MINDY2: variants seen among roughly 807,000 people sequenced by gnomAD.
MINDY2 encodes MINDY lysine 48 deubiquitinase 2, also known as ubiquitin carboxyl-terminal hydrolase MINDY-2.
A neutral mutation model predicts 68.2 loss-of-function variants in MINDY2; 52 were observed. The ratio of observed to expected loss-of-function variants is 0.76; its 90% CI spans 0.61 to 0.96. MINDY2 has a LOEUF of 0.96. MINDY2 is among the 40% of genes least tolerant of loss of function. The probability of loss-of-function intolerance (pLI) is 0.00; values close to 1 mark genes in which losing one functional copy is unlikely to be tolerated. For synonymous variants in MINDY2, 372 were observed against 303.0 expected, an observed-to-expected ratio of 1.23 and a Z score of -2.36; for missense variants, 881 against 773.4, an observed-to-expected ratio of 1.14 and a Z score of -1.65.
chr15:58,810,578 T>C (rs1165232234), intron 4 of MINDY2, among the ~76,000 whole-genome samples, 190 bp downstream of exon 4: 2 of 152,240 alleles, frequency 1.3e-5, no homozygotes, highest in East Asian at 3.9e-4. Context: ...ACCCCAACTC[T>C]AAGGAGCTAG....
chr15:58,789,166 T>A (rs1240321838), intron 2 of MINDY2, among the ~76,000 whole-genome samples: 1 of 152,074 alleles, frequency 6.6e-6, no homozygotes, highest in Non-Finnish European at 1.5e-5. Context: ...TGAAACTCCG[T>A]CTCGACTAAA....
At chr15:58,801,503 TA>T (rs1478479710) in intron 2 of MINDY2, among the ~76,000 whole-genome samples, 1 of 150,900 alleles carries the variant, frequency 6.6e-6, no homozygotes, top group Non-Finnish European at 1.5e-5. Context: ...TTAAAAGTAT[TA>T]AAATTGTGAT....
chr15:58,802,293 T>TTG lies in MINDY2; in HGVS notation c.899-19_899-18insGT, dbSNP rs765264920. 16 of 1,519,794 alleles carry TTG rather than the reference T, an allele frequency of 1.1e-5. No individual in the cohort carries two copies. The highest frequency in any genetic ancestry group is 2.5e-5 in the South Asian group (2 of 81,070). 94.1% of individuals were successfully genotyped at this position (1,519,794 alleles called of 1,614,324 possible). On this transcript the variant is annotated intron_variant, in intron 2 of 8. Coordinates refer to ENST00000559228, the MANE Select transcript of MINDY2 (RefSeq NM_001040450.3). The stretch of plus-strand genomic sequence containing the variant: ...AAGTTTTTAAAAGGCAATTTTACAA[T>TTG]TCTTTTTTTTTTTTTACAGGAGATT...
chr15:58,837,968 CAAAAAAAAA>C (rs34909401), intron 6 of MINDY2, among the ~76,000 whole-genome samples: 24 of 75,126 alleles, frequency 3.2e-4, no homozygotes, highest in African/African-American at 8.2e-4. Flanking sequence ...GACCTTCTTT[CAAAAAAAAA>C]AAAAAAAAAA....
intron 1 of MINDY2, among the ~76,000 whole-genome samples, chr15:58,772,950 A>T (rs1432114973): frequency 6.6e-6 from 1 of 152,194 alleles, no homozygotes; most frequent in Non-Finnish European, 1.5e-5. Context: ...AGGTATGTCT[A>T]AGGTGAAGGA....
At chr15:58,798,443 A>T (rs932118455) in intron 2 of MINDY2, among the ~76,000 whole-genome samples, 1 of 144,018 alleles carries the variant, frequency 6.9e-6, no homozygotes, top group Non-Finnish European at 1.5e-5. Context: ...GCCTTTTTTA[A>T]TGCAGTAAAA....
At chr15:58,831,017 G>T (rs933979309) in intron 5 of MINDY2, among the ~76,000 whole-genome samples, 1 of 121,544 alleles carries the variant, frequency 8.2e-6, no homozygotes, top group Non-Finnish European at 1.6e-5. Flanking sequence ...AAGATCAGTT[G>T]TGTGTGTGTG....
chr15:58,825,596 G>C (rs1482484319), intron 5 of MINDY2, among the ~76,000 whole-genome samples: 1 of 145,756 alleles, frequency 6.9e-6, no homozygotes, highest in Non-Finnish European at 1.6e-5. Context: ...TTTGTGTGGT[G>C]TTTGTTTGTT....
intron 2 of MINDY2, among the ~76,000 whole-genome samples, chr15:58,799,858 G>A (rs748741979): frequency 2.6e-5 from 4 of 152,154 alleles, no homozygotes; most frequent in Non-Finnish European, 5.9e-5. Context: ...AAGAGATGTA[G>A]GGAGAAGGCA....
intron 5 of MINDY2, among the ~76,000 whole-genome samples, chr15:58,829,231 A>G (rs917858328): frequency 7.9e-5 from 12 of 152,240 alleles, no homozygotes; most frequent in African/African-American, 2.7e-4. Context: ...CTTTTCCACT[A>G]AAACCACTGT....
Position 58,784,620 on chromosome 15 carries a change from C to CTT in MINDY2, c.841-3270_841-3269dup, listed in dbSNP as rs777455607. ...TTTCTTTCTTTTCTTTCTTTCTTTC[C>CTT]TTTTTTTTTTTTTTTTTGAGATCGG... On this transcript the variant is annotated intron_variant, in intron 1 of 8. Coordinates refer to ENST00000559228, the MANE Select transcript of MINDY2 (RefSeq NM_001040450.3). 1.3e-3 allele frequency among the ~76,000 whole-genome samples: 171 copies of CTT among 129,846 alleles called. 2 individuals are homozygous for CTT. The highest frequency in any genetic ancestry group is 3.2e-3 in the African/African-American group (108 of 34,124). The allele number at this position is 129,846 out of a possible 152,430, so 85.2% of individuals were successfully genotyped here.
rs535826388 is a variant in MINDY2, at chr15:58,797,933, GT to G, written c.899-4376del. On this transcript the variant is annotated intron_variant, in intron 2 of 8. Transcript: ENST00000559228. ...GCCATCACAAAATTGTAATGCCTCT[GT>G]TTTACAGAAGAGGAAACCAATGTTC... Among the ~76,000 whole-genome samples, 4 of 152,260 alleles carry G rather than the reference GT, an allele frequency of 2.6e-5. No homozygotes were observed. The East Asian group carries it at 7.7e-4, about 29-fold the overall frequency.
chr15:58,783,249 AC>A lies in MINDY2; in HGVS notation c.841-4656del, dbSNP rs200940138. Among the ~76,000 whole-genome samples the A allele has an allele frequency of 9.3e-4, 142 of 152,242 alleles. 1 individual carries two copies. The East Asian group carries it at 0.025, about 27-fold the overall frequency. On this transcript the variant is annotated intron_variant, in intron 1 of 8. Transcript: ENST00000559228. ...GACTTCTTTTTTCTAAAGAGCAGAG[AC>A]TGGCAAATACTCAATTTTATATTTT... is the stretch of plus-strand genomic sequence containing the variant.
At chr15:58,805,194 G>C (rs1902935477) in intron 3 of MINDY2, among the ~76,000 whole-genome samples, 1 of 152,104 alleles carries the variant, frequency 6.6e-6, no homozygotes, top group Non-Finnish European at 1.5e-5. Context: ...GAAACTATAA[G>C]GTGTTATTAT....
At chr15:58,792,944 A>G (rs1210251923) in intron 2 of MINDY2, among the ~76,000 whole-genome samples, 3 of 151,734 alleles carry the variant, frequency 2.0e-5, no homozygotes, top group East Asian at 2.0e-4. Flanking sequence ...TGAGACTGCA[A>G]TGAGCTATGA....
chr15:58,806,652 A>C (rs930072982), intron 3 of MINDY2, among the ~76,000 whole-genome samples: 2 of 152,202 alleles, frequency 1.3e-5, no homozygotes, highest in African/African-American at 4.8e-5. Flanking sequence ...GAGCCATTAG[A>C]AATCATATTG....
At position 58,851,932 on chromosome 15, in the gene MINDY2, A is replaced by AGCT. The variant is rs746926052; in HGVS notation, c.1720_1722dup (p.Ala574dup). ...ACTATCAGGAACAGGAACAAGCAGC[A>AGCT]GCTGCTGCTGCTGCTGCTTCTACAC... On this transcript the variant is annotated inframe_insertion, in exon 8 of 9. Coordinates refer to ENST00000559228, the MANE Select transcript of MINDY2 (RefSeq NM_001040450.3). The AGCT allele has an allele frequency of 7.4e-5, 118 of 1,590,608 alleles. No homozygotes were observed. The highest frequency in any genetic ancestry group is 1.1e-4 in the East Asian group (5 of 44,498).
At chr15:58,781,311 C>T (rs915219839) in intron 1 of MINDY2, among the ~76,000 whole-genome samples, 19 of 152,138 alleles carry the variant, frequency 1.2e-4, no homozygotes, top group Non-Finnish European at 2.6e-4. Context: ...CTTGGCCTCC[C>T]AAAGTGCTGG....
At chr15:58,809,596 C>A (rs2030078641) in intron 3 of MINDY2, among the ~76,000 whole-genome samples, 1 of 152,144 alleles carries the variant, frequency 6.6e-6, no homozygotes, top group African/African-American at 2.4e-5. Context: ...AGGCCTTCTT[C>A]CTCTTTGACT....
Sources: gnomAD v4.1 joint callset for allele counts (sites outside exome capture counted in the v4.1 genomes callset) on GRCh38, gnomAD v4.1.1 for gene constraint, MANE v1.5 for transcripts, NCBI Gene and HGNC (gene_info 2026-07-23, HGNC 2026-07-21) for gene names.